Variants in ZDHHC20 observed in about 807,000 individuals in gnomAD.
The protein encoded by ZDHHC20 is zDHHC palmitoyltransferase 20.
ZDHHC20 carries 43 observed loss-of-function variants against 57.8 expected under a neutral mutation model. The ratio of observed to expected loss-of-function variants is 0.74; its 90% CI spans 0.58 to 0.96. The LOEUF (loss-of-function observed/expected upper bound fraction) is 0.96. Among genes scored for constraint, ZDHHC20 ranks in the 40% least tolerant of loss-of-function variants. ZDHHC20 has a pLI of 0.00. For synonymous variants in ZDHHC20, 157 were observed against 153.0 expected (o/e 1.03, Z -0.19); for missense variants, 391 against 441.1 (o/e 0.89, Z 1.02).
chr13:21,445,671 G>C (rs904659659), intron 1 of ZDHHC20, among the ~76,000 whole-genome samples: 1 of 152,078 alleles, frequency 6.6e-6, no homozygotes, highest in Non-Finnish European at 1.5e-5. Flanking sequence ...GCGAATTGGC[G>C]GCTACACAAT....
At chr13:21,416,111 A>G (rs979484687) in intron 3 of ZDHHC20, among the ~76,000 whole-genome samples, 74 of 151,004 alleles carry the variant, frequency 4.9e-4, no homozygotes, top group African/African-American at 1.8e-3. Context: ...AGGCTGAGGC[A>G]GGAGAATTGC....
chr13:21,425,796 A>G, intron 1 of ZDHHC20, 118 bp from the exon 2 acceptor site: 1 of 693,514 alleles, frequency 1.4e-6, no homozygotes, highest in Non-Finnish European at 2.0e-6. Context: ...TTAGTTATAA[A>G]TTGTAGACAC....
chr13:21,449,638 A>G (rs528259124), intron 1 of ZDHHC20, among the ~76,000 whole-genome samples: 10 of 151,302 alleles, frequency 6.6e-5, no homozygotes, highest in Admixed American at 1.3e-4. Context: ...AATTATTATT[A>G]TTATTATACT....
intron 4 of ZDHHC20, among the ~76,000 whole-genome samples, chr13:21,404,627 G>A (rs1443147487): frequency 2.6e-5 from 4 of 151,948 alleles, no homozygotes; most frequent in Admixed American, 6.6e-5. Context: ...GGTGGTGGGC[G>A]CTTGTAGTCC....
At chr13:21,420,161 C>T (rs1216944290) in intron 3 of ZDHHC20, among the ~76,000 whole-genome samples, 3 of 152,118 alleles carry the variant, frequency 2.0e-5, no homozygotes, top group Non-Finnish European at 4.4e-5. Context: ...GTGATGCGTG[C>T]CTGTAATCCC....
chr13:21,432,888 C>T (rs1159911902), intron 1 of ZDHHC20, among the ~76,000 whole-genome samples: 1 of 152,122 alleles, frequency 6.6e-6, no homozygotes, highest in Non-Finnish European at 1.5e-5. Flanking sequence ...ACTATTTGTT[C>T]TTCATTAAAT....
At chr13:21,411,542 G>C (rs1173040758) in intron 4 of ZDHHC20, among the ~76,000 whole-genome samples, 1 of 152,174 alleles carries the variant, frequency 6.6e-6, no homozygotes, top group Non-Finnish European at 1.5e-5. Context: ...CATCAGGAAT[G>C]AGTATCTTCT....
At chr13:21,396,555 A>G (rs1043498949) in intron 7 of ZDHHC20, among the ~76,000 whole-genome samples, 1 of 152,196 alleles carries the variant, frequency 6.6e-6, no homozygotes, top group Admixed American at 6.6e-5. Context: ...AATGTGGGTC[A>G]GGCATGGTGG....
At chr13:21,391,925 G>T in intron 7 of ZDHHC20, 71 bp from the exon 8 acceptor site, 1 of 1,485,358 alleles carries the variant, frequency 6.7e-7, no homozygotes, top group Non-Finnish European at 9.1e-7. Flanking sequence ...TCTGTCTAAA[G>T]ATTGTTGAAT....
Position 21,387,503 on chromosome 13 carries a change from A to G in ZDHHC20, c.854+5T>C. The G allele has an allele frequency of 6.6e-7, 1 of 1,507,342 alleles. No homozygotes were observed. The highest frequency in any genetic ancestry group is 1.4e-5 in the African/African-American group (1 of 71,344). 93.4% of individuals were successfully genotyped at this position (1,507,342 alleles called of 1,614,324 possible). A position where few individuals can be genotyped will look rare whatever the true frequency, so the allele number is the denominator to read the frequency against. On this transcript the variant is annotated splice_donor_5th_base_variant and intron_variant, in intron 9 of 12. Transcript: ENST00000400590. ...AATCTCTGAGACCCACATTTTATAAATTACCTTGAAAATATTGGAAGTAGC... is the reference window on the plus strand; with the variant it reads ...AATCTCTGAGACCCACATTTTATAAGTTACCTTGAAAATATTGGAAGTAGC...
intron 4 of ZDHHC20, among the ~76,000 whole-genome samples, chr13:21,411,795 A>C (rs1246367316): frequency 3.3e-5 from 5 of 152,244 alleles, no homozygotes; most frequent in Non-Finnish European, 5.9e-5. Flanking sequence ...GTTTTTCATT[A>C]ACAAATATTT....
intron 9 of ZDHHC20, among the ~76,000 whole-genome samples, chr13:21,386,029 C>T (rs1379701661): frequency 1.3e-5 from 2 of 152,120 alleles, no homozygotes; most frequent in African/African-American, 2.4e-5. Flanking sequence ...AAAATAACTT[C>T]AAAATTTCTG....
At position 21,431,423 on chromosome 13, in the gene ZDHHC20, G is replaced by C. The variant is rs115942025; in HGVS notation, c.119-5745C>G. ...CCACAACACAGGGGAAATTACAGGA[G>C]TACAACTGAAGATGAGATATGGATG... On this transcript the variant is annotated intron_variant, in intron 1 of 12. Transcript: ENST00000400590. Among the ~76,000 whole-genome samples the C allele has an allele frequency of 1.1e-3, 168 of 152,282 alleles. 1 individual carries two copies. Among genetic ancestry groups the C allele is most frequent in the African/African-American group, 3.5e-3 (147 of 41,560 alleles).
At chr13:21,455,431 A>T (rs1433990254) in intron 1 of ZDHHC20, among the ~76,000 whole-genome samples, 1 of 152,214 alleles carries the variant, frequency 6.6e-6, no homozygotes, top group Non-Finnish European at 1.5e-5. Flanking sequence ...CAAAGAGAAG[A>T]AGTTATTCAA....
chr13:21,435,160 G>A (rs6490654), intron 1 of ZDHHC20, among the ~76,000 whole-genome samples: 58,548 of 151,878 alleles, frequency 0.39, 11,615 homozygotes, highest in Non-Finnish European at 0.43. Flanking sequence ...ATAAGTGAGG[G>A]TCAGTATCTT....
chr13:21,447,641 C>T (rs1212855796), intron 1 of ZDHHC20, among the ~76,000 whole-genome samples: 2 of 138,510 alleles, frequency 1.4e-5, no homozygotes, highest in East Asian at 4.0e-4. Flanking sequence ...ACAACCTACA[C>T]CTCCCAGCCG....
chr13:21,453,291 C>A (rs1884625657), intron 1 of ZDHHC20, among the ~76,000 whole-genome samples: 1 of 152,124 alleles, frequency 6.6e-6, no homozygotes, highest in South Asian at 2.1e-4. Context: ...TTTTATGCAC[C>A]TAATTACACA....
chr13:21,374,954 T>C lies in ZDHHC20; in HGVS notation c.*1742A>G, dbSNP rs755582559. 1.4e-5 allele frequency: 5 copies of C among 358,368 alleles called. No homozygotes were observed. Among genetic ancestry groups the C allele is most frequent in the South Asian group, 1.1e-4 (5 of 47,506 alleles). The allele number at this position is 358,368 out of a possible 1,614,324, so 22.2% of individuals were successfully genotyped here. A position where few individuals can be genotyped will look rare whatever the true frequency, so the allele number is the denominator to read the frequency against. ...TTAGTGATCAGCCTGGTCAACATGG[T>C]GAAACCTCGTCTCTTCTAAAAATGT... is the stretch of plus-strand genomic sequence containing the variant. On this transcript the variant is annotated 3_prime_UTR_variant, in exon 13 of 13. Transcript: ENST00000400590.
intron 1 of ZDHHC20, among the ~76,000 whole-genome samples, chr13:21,444,873 T>C (rs781025842): frequency 3.9e-5 from 6 of 151,946 alleles, no homozygotes; most frequent in Non-Finnish European, 8.8e-5. Flanking sequence ...CCTGGCAACA[T>C]AGCAAGACCT....
Sources: allele counts gnomAD v4.1 joint callset (sites outside exome capture counted in the v4.1 genomes callset), GRCh38; gene constraint gnomAD v4.1.1; transcripts MANE v1.5; gene names NCBI Gene and HGNC (gene_info 2026-07-23, HGNC 2026-07-21).